SCYL2: variants seen among roughly 807,000 people sequenced by gnomAD.
The protein encoded by SCYL2 is SCY1-like protein 2.
SCYL2 carries 36 observed loss-of-function variants against 100.4 expected under a neutral mutation model. That is an observed-to-expected ratio of 0.36 (90% confidence interval 0.27 to 0.47). The LOEUF (loss-of-function observed/expected upper bound fraction) is 0.47, where lower values mean the gene tolerates loss of function less well. Ranked by LOEUF, SCYL2 falls within the 20% of genes least tolerant of loss-of-function variation. The probability of loss-of-function intolerance (pLI) is 1.00; values close to 1 mark genes in which losing one functional copy is unlikely to be tolerated. For missense variants in SCYL2, 902 were observed against 1,083.9 expected (o/e 0.83, Z 2.36); for synonymous variants, 330 against 359.2 (o/e 0.92, Z 0.92).
At chr12:100,318,497 AT>A (rs2135912673) in intron 10 of SCYL2, among the ~76,000 whole-genome samples, 1 of 151,908 alleles carries the variant, frequency 6.6e-6, no homozygotes, top group East Asian at 1.9e-4. Context: ...CACCCGGCTA[AT>A]TTTTGGTATT....
chr12:100,268,059 T>TA lies in SCYL2; in HGVS notation c.-29+268dup, dbSNP rs1425948964. ...AAAAACTTATTGGACTTTGAGCACA[T>TA]ACCTGTGATCCGTAATTAAGGAGGC... On this transcript the variant is annotated intron_variant, in intron 1 of 17. Transcript: ENST00000360820. 2.0e-5 allele frequency among the ~76,000 whole-genome samples: 3 copies of TA among 152,286 alleles called. No individual in the cohort carries two copies. In the East Asian group the frequency reaches 5.8e-4, roughly 29 times the overall value.
chr12:100,309,651 A>G (rs942426024), intron 4 of SCYL2, among the ~76,000 whole-genome samples: 6 of 152,240 alleles, frequency 3.9e-5, no homozygotes, highest in African/African-American at 1.4e-4. Flanking sequence ...TATACACATT[A>G]TAAGCAGCTT....
At chr12:100,323,831 T>C (rs1592964485) in intron 11 of SCYL2, 193 bp downstream of exon 11, 2 of 358,776 alleles carry the variant, frequency 5.6e-6, no homozygotes, top group East Asian at 9.4e-5. Context: ...ATTCCTAACC[T>C]TACTTGCTGT....
At position 100,294,756 on chromosome 12, in the gene SCYL2, C is replaced by A. The variant is rs1406912641; in HGVS notation, c.335+3096C>A. 4.7e-4 allele frequency among the ~76,000 whole-genome samples: 70 copies of A among 147,392 alleles called. 1 individual carries two copies. The highest frequency in any genetic ancestry group is 1.8e-3 in the African/African-American group (69 of 39,414). On this transcript the variant is annotated intron_variant, in intron 3 of 17. Transcript: ENST00000360820. ...CTGGCCGGGTGGGGGGCTGACCCCC[C>A]CACCTCCCTCCCGGACGGGGCGGCT...
chr12:100,329,469 G>A (rs1952181469), intron 13 of SCYL2, 150 bp downstream of exon 13: 2 of 504,604 alleles, frequency 4.0e-6, no homozygotes, highest in Non-Finnish European at 7.2e-6. Context: ...GTGGGTGGAA[G>A]GATAGATTGT....
At chr12:100,309,927 A>T (rs975671851) in intron 4 of SCYL2, among the ~76,000 whole-genome samples, 3 of 151,954 alleles carry the variant, frequency 2.0e-5, no homozygotes, top group Non-Finnish European at 4.4e-5. Context: ...AGCAGTTATT[A>T]TTTTTTTCTC....
At chr12:100,326,164 A>G (rs1365778737) in intron 11 of SCYL2, among the ~76,000 whole-genome samples, 1 of 152,154 alleles carries the variant, frequency 6.6e-6, no homozygotes, top group Non-Finnish European at 1.5e-5. Context: ...AAACACATAT[A>G]TGGATACCTT....
chr12:100,339,015 G>T lies in SCYL2; in HGVS notation c.2633G>T (p.Gly878Val). Residue 878 changes from glycine to valine, a missense_variant, in exon 18 of 18, where the codon GGC becomes GTC. Transcript: ENST00000360820. ...FVPPQGSPTM[G>V]SSVMGTQMNV... Reference sequence around the variant, plus strand: ...CCTCCTCAAGGTTCTCCAACTATGGGCAGTTCAGTAATGGGGACACAGATG... The same window carrying T: ...CCTCCTCAAGGTTCTCCAACTATGGTCAGTTCAGTAATGGGGACACAGATG... 1 of 1,614,108 alleles carries T rather than the reference G, an allele frequency of 6.2e-7. No homozygotes were observed. Among genetic ancestry groups the T allele is most frequent in the Non-Finnish European group, 8.5e-7 (1 of 1,179,980 alleles).
In SCYL2 at chr12:100,294,621, C is replaced by T. The variant is rs1390678833; in HGVS notation, c.335+2961C>T. ...CAGGGTGGCTGGCCGGGCAGAGGGG[C>T]TCCTCACTTCCCAGTAGGGGTGGCT... On this transcript the variant is annotated intron_variant, in intron 3 of 17. Transcript: ENST00000360820. Among the ~76,000 whole-genome samples the T allele has an allele frequency of 4.7e-4, 65 of 139,714 alleles. 2 individuals are homozygous for T. The highest frequency in any genetic ancestry group is 1.7e-3 in the African/African-American group (62 of 36,750). 91.7% of individuals were successfully genotyped at this position (139,714 alleles called of 152,430 possible).
chr12:100,312,709 A>AT lies in SCYL2; in HGVS notation c.852+63dup, dbSNP rs972202396. The AT allele has an allele frequency of 1.7e-5, 22 of 1,293,022 alleles. 1 individual carries two copies. The highest frequency in any genetic ancestry group is 3.0e-5 in the African/African-American group (2 of 66,752). The allele number at this position is 1,293,022 out of a possible 1,614,324, so 80.1% of individuals were successfully genotyped here. ...AAAAAATTTATTAAATGTGTCTTTGATTTTTTTCCAAAATGTGTTCAGGAA... is the reference window on the plus strand; with the variant it reads ...AAAAAATTTATTAAATGTGTCTTTGATTTTTTTTCCAAAATGTGTTCAGGAA... On this transcript the variant is annotated intron_variant, in intron 6 of 17. Coordinates refer to ENST00000360820, the MANE Select transcript of SCYL2 (RefSeq NM_017988.6).
At chr12:100,278,630 C>CTTT (rs66782127) in intron 1 of SCYL2, among the ~76,000 whole-genome samples, 9 of 120,522 alleles carry the variant, frequency 7.5e-5, no homozygotes, top group Non-Finnish European at 1.2e-4. Context: ...TGGGGAAATT[C>CTTT]TTTTTTTTTT....
chr12:100,283,036 T>A lies in SCYL2; in HGVS notation c.66T>A (p.Ala22=), dbSNP rs1305082460. 1 of 1,612,504 alleles carries A rather than the reference T, an allele frequency of 6.2e-7. No homozygotes were observed. Among genetic ancestry groups the A allele is most frequent in the Non-Finnish European group, 8.5e-7 (1 of 1,178,848 alleles). The change falls in exon 2 of 18, where the codon GCT becomes GCA. Residue 22 remains alanine, a synonymous_variant. Coordinates refer to ENST00000360820, the MANE Select transcript of SCYL2 (RefSeq NM_017988.6). The part of the protein sequence containing the change: ...VTKVTADVTS[A]VMGNPVTREF... ...AAGTAACAGCTGATGTCACTAGTGCTGTAATGGGAAATCCTGTCACTAGAG... is the reference window on the plus strand; with the variant it reads ...AAGTAACAGCTGATGTCACTAGTGCAGTAATGGGAAATCCTGTCACTAGAG...
intron 13 of SCYL2, chr12:100,333,609 C>T (rs913041158): frequency 2.0e-5 from 3 of 152,152 alleles, no homozygotes; most frequent in Non-Finnish European, 4.4e-5. Context: ...CAAAATTAAC[C>T]AAAGCTTAAA....
chr12:100,325,752 A>T (rs1171856880), intron 11 of SCYL2, among the ~76,000 whole-genome samples: 1 of 151,938 alleles, frequency 6.6e-6, no homozygotes, highest in Non-Finnish European at 1.5e-5. Flanking sequence ...TTTGCTTAAA[A>T]TATATATATA....
intron 4 of SCYL2, among the ~76,000 whole-genome samples, chr12:100,309,130 G>GTC (rs2096338570): frequency 1.3e-5 from 2 of 151,872 alleles, no homozygotes; most frequent in Admixed American, 6.6e-5. Context: ...GTGTGTGTGT[G>GTC]TGTGCGCGCG....
At chr12:100,293,954 C>G (rs548830489) in intron 3 of SCYL2, among the ~76,000 whole-genome samples, 2 of 151,974 alleles carry the variant, frequency 1.3e-5, no homozygotes, top group African/African-American at 2.4e-5. Flanking sequence ...GGCAACCATC[C>G]GATTTCTCAA....
chr12:100,285,564 TA>T (rs1401010843), intron 2 of SCYL2, among the ~76,000 whole-genome samples: 1 of 152,242 alleles, frequency 6.6e-6, no homozygotes, highest in South Asian at 2.1e-4. Context: ...TCTTGTTATA[TA>T]GTCTTTTTAA....
chr12:100,332,567 T>G (rs1009167210), intron 13 of SCYL2, among the ~76,000 whole-genome samples: 4 of 152,132 alleles, frequency 2.6e-5, no homozygotes, highest in Admixed American at 2.6e-4. Context: ...GAATGATCCA[T>G]TTATATAAAG....
At chr12:100,274,494 G>GT (rs1365834181) in intron 1 of SCYL2, among the ~76,000 whole-genome samples, 1 of 152,132 alleles carries the variant, frequency 6.6e-6, no homozygotes, top group African/African-American at 2.4e-5. Context: ...GTGGGTTCTT[G>GT]TTGTTATTAA....
Sources: gnomAD v4.1 joint callset for allele counts (sites outside exome capture counted in the v4.1 genomes callset) on GRCh38, gnomAD v4.1.1 for gene constraint, MANE v1.5 for transcripts, NCBI Gene and HGNC (gene_info 2026-07-23, HGNC 2026-07-21) for gene names.